STS: variants seen among roughly 807,000 people sequenced by gnomAD.
STS encodes steroid sulfatase, also known as steryl-sulfatase.
A neutral mutation model predicts 26.8 loss-of-function variants in STS; 7 were observed. The observed-to-expected ratio is 0.26, with a 90% CI of 0.15 to 0.49. The LOEUF (loss-of-function observed/expected upper bound fraction) is 0.49, where lower values mean the gene tolerates loss of function less well. STS is among the 20% of genes least tolerant of loss of function. The pLI is 0.98. For synonymous variants in STS, 199 were observed against 189.4 expected, an observed-to-expected ratio of 1.05 and a Z score of -0.42; for missense variants, 434 against 465.6, an observed-to-expected ratio of 0.93 and a Z score of 0.63.
At chrX:7,225,147 A>G (rs1921745393) in intron 2 of STS, among the ~76,000 whole-genome samples, 1 of 112,100 alleles carries the variant, frequency 8.9e-6, no homozygotes, top group African/African-American at 3.2e-5. Flanking sequence ...ACTCCCAGCT[A>G]TGAATCAACC....
chrX:7,220,916 C>T (rs1921534854), intron 2 of STS, among the ~76,000 whole-genome samples: 1 of 111,584 alleles, frequency 9.0e-6, no homozygotes, highest in Admixed American at 9.5e-5. Flanking sequence ...ATCTCCATCC[C>T]TCTTAAATCG....
chrX:7,320,519 A>G (rs1403256385), intron 8 of STS, among the ~76,000 whole-genome samples: 1 of 111,798 alleles, frequency 8.9e-6, no homozygotes. Context: ...TAATGAAATC[A>G]GCCCTTTTTT....
rs1393254291 is a variant in STS, at chrX:7,281,835, T to G, written c.943+5748T>G. Among the ~76,000 whole-genome samples the G allele has an allele frequency of 2.7e-5, 3 of 112,399 alleles. No homozygotes were observed. In the Admixed American group the frequency reaches 2.8e-4, roughly 11 times the overall value. ...TAGGAGGTTTGGATTAAAATGATTG[T>G]GAAAGTATGGACTGTAGCATGCAAT... On this transcript the variant is annotated intron_variant, in intron 7 of 10. Transcript: ENST00000674429.
At chrX:7,278,690 C>G (rs1261937761) in intron 7 of STS, among the ~76,000 whole-genome samples, 4 of 111,707 alleles carry the variant, frequency 3.6e-5, no homozygotes, top group African/African-American at 1.3e-4. Context: ...CTCAGTACAA[C>G]CACACAAGGG....
intron 1 of STS, among the ~76,000 whole-genome samples, chrX:7,155,168 A>T (rs1316385135): frequency 9.4e-6 from 1 of 105,961 alleles, no homozygotes; most frequent in Non-Finnish European, 2.0e-5. Flanking sequence ...TGGTCTTCCC[A>T]TTTTTTTTTT....
chrX:7,155,996 CAAAAAT>C (rs1933125348), intron 1 of STS, among the ~76,000 whole-genome samples: 1 of 109,796 alleles, frequency 9.1e-6, no homozygotes, highest in Non-Finnish European at 1.9e-5. Flanking sequence ...AAAAAAAATA[CAAAAAT>C]TAGCTGGGTG....
chrX:7,324,618 A>G lies in STS; in HGVS notation c.1082-721A>G, dbSNP rs746723337. On this transcript the variant is annotated intron_variant, in intron 8 of 10. Transcript: ENST00000674429. ...ACAAACAGTCTGTTTTGTCAGTCTT[A>G]AGGTCTGTGTTTTAATGCTAATGCT... Among the ~76,000 whole-genome samples the G allele has an allele frequency of 6.5e-4, 72 of 111,012 alleles. 1 individual carries two copies. The highest frequency in any genetic ancestry group is 2.3e-3 in the African/African-American group (70 of 30,513).
intron 8 of STS, among the ~76,000 whole-genome samples, chrX:7,322,316 T>C (rs1360219569): frequency 8.9e-6 from 1 of 111,833 alleles, no homozygotes; most frequent in Non-Finnish European, 1.9e-5. Flanking sequence ...TTTAAAGGTA[T>C]GTGTCTCTCA....
rs558023668 is a variant in STS, at chrX:7,332,799, C to T, written c.1242-1187C>T. Among the ~76,000 whole-genome samples, 13 of 111,924 alleles carry T rather than the reference C, an allele frequency of 1.2e-4. No homozygotes were observed. In the South Asian group the frequency reaches 3.0e-3, roughly 26 times the overall value. ...CTGTGTCTCAATAGAACTCTCTCTACGGTGTTTCTTTTTCTTCCCCTCGTG... is the reference window on the plus strand; with the variant it reads ...CTGTGTCTCAATAGAACTCTCTCTATGGTGTTTCTTTTTCTTCCCCTCGTG... On this transcript the variant is annotated intron_variant, in intron 9 of 10. Transcript: ENST00000674429.
chrX:7,211,205 A>G (rs1921018442), intron 2 of STS, among the ~76,000 whole-genome samples: 1 of 111,870 alleles, frequency 8.9e-6, no homozygotes, highest in African/African-American at 3.3e-5. Context: ...GCTCCATAGC[A>G]CACAGTGGCT....
At chrX:7,336,536 A>G (rs1201169280) in intron 10 of STS, among the ~76,000 whole-genome samples, 1 of 112,185 alleles carries the variant, frequency 8.9e-6, no homozygotes. Flanking sequence ...CAAAAAAACA[A>G]CAGAAACATG....
rs1418449791 is a variant in STS, at chrX:7,194,063, C to T, written c.-5+3055C>T. Among the ~76,000 whole-genome samples, 4 of 111,009 alleles carry T rather than the reference C, an allele frequency of 3.6e-5. No homozygotes were observed. The East Asian group carries it at 1.1e-3, about 32-fold the overall frequency. ...GGGACTACAGGCAAGCGCCACCACG[C>T]CCGGCTAATTTTTGTATTTTTAGTG... On this transcript the variant is annotated intron_variant, in intron 2 of 10. Coordinates refer to ENST00000674429, the MANE Select transcript of STS (RefSeq NM_001320752.2).
intron 8 of STS, among the ~76,000 whole-genome samples, chrX:7,323,822 A>C (rs539410298): frequency 1.4e-4 from 16 of 111,476 alleles, no homozygotes; most frequent in Middle Eastern, 4.6e-3. Context: ...GCCTTATCCA[A>C]CTTCTAGAGC....
At chrX:7,286,173 A>C (rs759511917) in intron 7 of STS, among the ~76,000 whole-genome samples, 1 of 111,890 alleles carries the variant, frequency 8.9e-6, no homozygotes, top group African/African-American at 3.2e-5. Flanking sequence ...GATATTTTAC[A>C]TTAAATTTAT....
intron 10 of STS, among the ~76,000 whole-genome samples, chrX:7,344,775 G>A (rs1316918281): frequency 8.9e-6 from 1 of 111,870 alleles, no homozygotes; most frequent in Non-Finnish European, 1.9e-5. Context: ...AGCAGGGGCC[G>A]TAAGGGCACA....
chrX:7,291,235 A>G (rs746553227), intron 7 of STS, among the ~76,000 whole-genome samples: 1 of 111,478 alleles, frequency 9.0e-6, no homozygotes, highest in South Asian at 3.8e-4. Context: ...GCTGGGAGCT[A>G]ACTGTCTGTC....
At chrX:7,191,620 C>T (rs1379570966) in intron 2 of STS, among the ~76,000 whole-genome samples, 1 of 110,224 alleles carries the variant, frequency 9.1e-6, no homozygotes. Flanking sequence ...GAGGGTATAT[C>T]CAGGTCCCTC....
chrX:7,191,849 G>A (rs1933880513), intron 2 of STS, among the ~76,000 whole-genome samples: 1 of 112,385 alleles, frequency 8.9e-6, no homozygotes, highest in African/African-American at 3.2e-5. Context: ...TGAGGGCTGA[G>A]GGGCAGAGCA....
At chrX:7,336,537 C>T (rs1928038425) in intron 10 of STS, among the ~76,000 whole-genome samples, 1 of 111,964 alleles carries the variant, frequency 8.9e-6, no homozygotes, top group South Asian at 3.7e-4. Context: ...AAAAAAACAA[C>T]AGAAACATGG....
Sources: gnomAD v4.1 joint callset for allele counts (sites outside exome capture counted in the v4.1 genomes callset) on GRCh38, gnomAD v4.1.1 for gene constraint, MANE v1.5 for transcripts, NCBI Gene and HGNC (gene_info 2026-07-23, HGNC 2026-07-21) for gene names.